Variants in ACOT7 observed in about 807,000 individuals in gnomAD.
ACOT7 encodes acyl-CoA thioesterase 7.
In ACOT7, 12 loss-of-function variants were observed where a neutral mutation model predicts 40.2. The ratio of observed to expected loss-of-function variants is 0.30; its 90% CI spans 0.19 to 0.48. The LOEUF is 0.48. Ranked by LOEUF, ACOT7 falls within the 20% of genes least tolerant of loss-of-function variation. The probability of loss-of-function intolerance (pLI) is 0.99; values close to 1 mark genes in which losing one functional copy is unlikely to be tolerated. For synonymous variants in ACOT7, 228 were observed against 219.5 expected (o/e 1.04, Z -0.34); for missense variants, 395 against 530.8 (o/e 0.74, Z 2.51).
intron 5 of ACOT7, among the ~76,000 whole-genome samples, chr1:6,322,713 C>G (rs1261508309): frequency 6.6e-6 from 1 of 152,202 alleles, no homozygotes; most frequent in African/African-American, 2.4e-5. Flanking sequence ...AACTTAATTA[C>G]CTCTTTAAAG....
At chr1:6,370,544 C>T (rs528049130) in intron 1 of ACOT7, among the ~76,000 whole-genome samples, 74 of 150,698 alleles carry the variant, frequency 4.9e-4, no homozygotes, top group African/African-American at 1.7e-3. Context: ...GCCTGGAGTG[C>T]AGTGGTGCGA....
intron 1 of ACOT7, among the ~76,000 whole-genome samples, chr1:6,369,246 G>A (rs1405440281): frequency 2.0e-5 from 3 of 152,138 alleles, no homozygotes; most frequent in South Asian, 2.1e-4. Flanking sequence ...CTCCCAAAGT[G>A]TTGGGATTAC....
At chr1:6,302,159 T>C (rs1258889898) in intron 6 of ACOT7, among the ~76,000 whole-genome samples, 6 of 152,174 alleles carry the variant, frequency 3.9e-5, no homozygotes, top group African/African-American at 1.4e-4. Flanking sequence ...TGTAGCATCC[T>C]GACTCTGGCA....
chr1:6,368,841 C>T (rs2148471897), intron 1 of ACOT7, among the ~76,000 whole-genome samples: 1 of 152,316 alleles, frequency 6.6e-6, no homozygotes, highest in East Asian at 1.9e-4. Flanking sequence ...GCTCCCACAG[C>T]TGCTCCTGCC....
At chr1:6,291,853 G>A (rs1264823903) in intron 7 of ACOT7, among the ~76,000 whole-genome samples, 1 of 152,204 alleles carries the variant, frequency 6.6e-6, no homozygotes, top group East Asian at 1.9e-4. Context: ...AGAACCCAGA[G>A]CCAGCAGGGG....
At chr1:6,382,881 T>G (rs554126349) in intron 1 of ACOT7, among the ~76,000 whole-genome samples, 9 of 128,612 alleles carry the variant, frequency 7.0e-5, no homozygotes, top group Non-Finnish European at 9.7e-5. Flanking sequence ...AGTTTTTTTG[T>G]TTTTTTTTTG....
chr1:6,335,700 G>C lies in ACOT7; in HGVS notation c.419-2132C>G, dbSNP rs149393204. Among the ~76,000 whole-genome samples the C allele has an allele frequency of 1.1e-3, 175 of 152,332 alleles. 1 individual carries two copies. Among genetic ancestry groups the C allele is most frequent in the African/African-American group, 4.0e-3 (165 of 41,576 alleles). On this transcript the variant is annotated intron_variant, in intron 3 of 8. Transcript: ENST00000361521. ...TTCCTCCTCAATAAACACAGCCCCA[G>C]GCTCCAAATCAAGCCCCAGGGGGCC...
At chr1:6,307,990 A>G (rs1354220035) in intron 6 of ACOT7, among the ~76,000 whole-genome samples, 2 of 151,334 alleles carry the variant, frequency 1.3e-5, no homozygotes, top group Non-Finnish European at 2.9e-5. Context: ...AACCAGGCAG[A>G]GGGAACCACA....
intron 2 of ACOT7, among the ~76,000 whole-genome samples, chr1:6,348,027 C>T (rs190480373): frequency 2.5e-4 from 38 of 152,246 alleles, no homozygotes; most frequent in African/African-American, 9.1e-4. Flanking sequence ...CACTGTCTCT[C>T]TCTGGAAGGG....
chr1:6,292,645 G>T (rs1639698655), intron 7 of ACOT7, among the ~76,000 whole-genome samples: 1 of 151,466 alleles, frequency 6.6e-6, no homozygotes, highest in South Asian at 2.1e-4. Flanking sequence ...GTTGTACAAG[G>T]AGTTAAGGGT....
chr1:6,370,918 C>A (rs1290639481), intron 1 of ACOT7, among the ~76,000 whole-genome samples: 1 of 151,918 alleles, frequency 6.6e-6, no homozygotes, highest in African/African-American at 2.4e-5. Flanking sequence ...TCAAGTGATT[C>A]TCCTACCTCA....
chr1:6,390,476 A>G (rs4409679), intron 1 of ACOT7, among the ~76,000 whole-genome samples: 52,243 of 151,658 alleles, frequency 0.34, 13,111 homozygotes, highest in African/African-American at 0.71. Flanking sequence ...GGAGGCTGAG[A>G]CAGGAGAATC....
At chr1:6,298,043 G>A (rs1299024124) in intron 6 of ACOT7, among the ~76,000 whole-genome samples, 1 of 152,152 alleles carries the variant, frequency 6.6e-6, no homozygotes, top group Non-Finnish European at 1.5e-5. Context: ...GGGAGGAGGG[G>A]CCAGGTTCAC....
chr1:6,342,530 A>G (rs184216322), intron 2 of ACOT7, among the ~76,000 whole-genome samples: 28 of 152,342 alleles, frequency 1.8e-4, no homozygotes, highest in African/African-American at 6.5e-4. Context: ...CACAGGCACA[A>G]TCATGCTCAC....
intron 1 of ACOT7, among the ~76,000 whole-genome samples, chr1:6,366,961 G>A (rs925579458): frequency 7.2e-5 from 11 of 152,006 alleles, no homozygotes; most frequent in Admixed American, 7.2e-4. Context: ...CACTTTGGGA[G>A]GCCGAGGCAG....
Position 6,393,347 on chromosome 1 carries a change from G to C in ACOT7, c.53C>G (p.Ala18Gly), listed in dbSNP as rs749250310. ...GGATGCGGCGGGCGGCTGCAGAAGG[G>C]CGCAGGTGTCTGGCAGGCCCGGCGC... ...HSAPGLPDTCALLQPPAASAA... is the reference protein window; with the variant it reads ...HSAPGLPDTCGLLQPPAASAA... The change falls in exon 1 of 9, where the codon GCC becomes GGC. Residue 18 changes from alanine to glycine, a missense_variant. Physicochemically the swap from Ala to Gly is moderately conservative, Grantham distance 60. Around this residue, in one of 2 missense-constraint regions of ACOT7, gnomAD observed 86 missense variants for 60.5 expected, o/e 1.42. Transcript: ENST00000361521. 2.4e-6 allele frequency: 3 copies of C among 1,251,768 alleles called. No individual in the cohort carries two copies. Among genetic ancestry groups the C allele is most frequent in the Non-Finnish European group, 3.0e-6 (3 of 997,662 alleles). The allele number at this position is 1,251,768 out of a possible 1,614,324, so 77.5% of individuals were successfully genotyped here.
In ACOT7 at chr1:6,352,006, T is replaced by A. The variant is rs1023549973; in HGVS notation, c.144-2140A>T. 6.6e-6 allele frequency among the ~76,000 whole-genome samples: 1 copy of A among 152,176 alleles called. No homozygotes were observed. Among genetic ancestry groups the A allele is most frequent in the African/African-American group, 2.4e-5 (1 of 41,436 alleles). On this transcript the variant is annotated intron_variant, in intron 1 of 8. Transcript: ENST00000361521. This position sits in a 1 kb window ranked among gnomAD's most constrained non-coding sequence, Gnocchi z 4.5. ...GCCATCAGGAGTACATGCCAGGAAC[T>A]GCAGACCGCACGCCAGCTGGCTACC...
chr1:6,380,726 A>AG (rs1642319230), intron 1 of ACOT7, among the ~76,000 whole-genome samples: 1 of 151,572 alleles, frequency 6.6e-6, no homozygotes. Context: ...AAAAAAAAAA[A>AG]AACTCAAAAT....
intron 1 of ACOT7, chr1:6,385,485 T>C (rs781670466): frequency 6.2e-7 from 1 of 1,604,944 alleles, no homozygotes; most frequent in Non-Finnish European, 8.5e-7. Flanking sequence ...ATATTCCCAG[T>C]CATCCTACCT....
Sources: allele counts gnomAD v4.1 joint callset (sites outside exome capture counted in the v4.1 genomes callset), GRCh38; gene constraint gnomAD v4.1.1; regional missense constraint gnomAD v4.1.1; non-coding constraint Gnocchi (gnomAD v3.1); transcripts MANE v1.5; gene names NCBI Gene and HGNC (gene_info 2026-07-23, HGNC 2026-07-21).